Variants in SUZ12 observed in about 807,000 individuals in gnomAD.
SUZ12 encodes polycomb protein SUZ12.
In SUZ12, 17 loss-of-function variants were observed where a neutral mutation model predicts 87.3. That is an observed-to-expected ratio of 0.19 (90% CI 0.13 to 0.29). SUZ12 has a LOEUF of 0.29. Ranked by LOEUF, SUZ12 falls within the 10% of genes least tolerant of loss-of-function variation. SUZ12 has a pLI of 1.00. For synonymous variants in SUZ12, 253 were observed against 312.4 expected (o/e 0.81, Z 2.01); for missense variants, 526 against 912.2 (o/e 0.58, Z 5.45).
At position 31,988,376 on chromosome 17, in the gene SUZ12, T is replaced by C. The variant is rs762373307; in HGVS notation, c.1080T>C (p.Arg360=). The C allele has an allele frequency of 3.7e-6, 6 of 1,607,424 alleles. No individual in the cohort carries two copies. Among genetic ancestry groups the C allele is most frequent in the Admixed American group, 1.7e-5 (1 of 58,590 alleles). Residue 360 remains arginine (R), a synonymous_variant, in exon 10 of 16, where the codon CGT becomes CGC. Coordinates refer to ENST00000322652, the MANE Select transcript of SUZ12 (RefSeq NM_015355.4). ...SQGPTLQFTL[R]WTGETNDKST... ...GACCTACGTTGCAGTTCACTCTTCGTTGGACAGGAGAGACCAATGATAAAT... is the reference window on the plus strand; with the variant it reads ...GACCTACGTTGCAGTTCACTCTTCGCTGGACAGGAGAGACCAATGATAAAT...
At chr17:31,985,639 TGTTG>T (rs1475031399) in intron 9 of SUZ12, among the ~76,000 whole-genome samples, 2 of 148,530 alleles carry the variant, frequency 1.3e-5, no homozygotes, top group Non-Finnish European at 3.0e-5. Flanking sequence ...TTTTTGTTGT[TGTTG>T]GTTTTGTTTT....
chr17:31,971,510 C>T (rs1422537245), intron 5 of SUZ12, among the ~76,000 whole-genome samples: 1 of 149,604 alleles, frequency 6.7e-6, no homozygotes, highest in Admixed American at 6.8e-5. Flanking sequence ...TTACTGCAAC[C>T]TCTGCTCCCC....
intron 8 of SUZ12, among the ~76,000 whole-genome samples, chr17:31,982,574 G>C (rs529839087): frequency 6.6e-6 from 1 of 152,138 alleles, no homozygotes; most frequent in Non-Finnish European, 1.5e-5. Context: ...CAGGAGAATC[G>C]CTTGAACCTG....
At chr17:31,988,574 G>A (rs1909534508) in intron 10 of SUZ12, 77 bp downstream of exon 10, 3 of 1,347,264 alleles carry the variant, frequency 2.2e-6, no homozygotes, top group South Asian at 1.6e-5. Context: ...TAATTCATTT[G>A]TGTTTTGCTT....
At chr17:31,947,147 G>A (rs1906685538) in intron 3 of SUZ12, among the ~76,000 whole-genome samples, 1 of 152,094 alleles carries the variant, frequency 6.6e-6, no homozygotes, top group Non-Finnish European at 1.5e-5. Flanking sequence ...ATTTATATTT[G>A]TTTGGCTTAA....
intron 9 of SUZ12, among the ~76,000 whole-genome samples, chr17:31,988,044 C>T (rs1454185289): frequency 1.3e-5 from 2 of 152,104 alleles, no homozygotes; most frequent in East Asian, 3.9e-4. Context: ...GAAAATCTGT[C>T]TGTGTTGGAC....
At chr17:31,988,246 T>G (rs1468458531) in intron 9 of SUZ12, 74 bp from the exon 10 acceptor site, 1 of 1,375,802 alleles carries the variant, frequency 7.3e-7, no homozygotes, top group Non-Finnish European at 9.8e-7. Context: ...TTATAATGAA[T>G]TTTTTTTAAT....
intron 14 of SUZ12, among the ~76,000 whole-genome samples, chr17:31,996,474 C>T (rs1034829559): frequency 8.5e-5 from 13 of 152,174 alleles, no homozygotes; most frequent in Admixed American, 3.3e-4. Context: ...CAAGAGTTAG[C>T]TGGGCATGGT....
chr17:31,970,866 G>A (rs1201550516), intron 5 of SUZ12, among the ~76,000 whole-genome samples: 3 of 151,680 alleles, frequency 2.0e-5, no homozygotes, highest in Non-Finnish European at 4.4e-5. Flanking sequence ...TTTTTTTTGT[G>A]TGTTCATGGA....
chr17:31,950,522 A>G (rs1386207332), intron 4 of SUZ12, among the ~76,000 whole-genome samples: 2 of 151,956 alleles, frequency 1.3e-5, no homozygotes, highest in Non-Finnish European at 2.9e-5. Context: ...TTTCTCTACA[A>G]AAAACACAAA....
At chr17:31,953,427 A>C (rs898104082) in intron 4 of SUZ12, among the ~76,000 whole-genome samples, 2 of 151,912 alleles carry the variant, frequency 1.3e-5, no homozygotes, top group African/African-American at 4.8e-5. Context: ...TTATTTTTTG[A>C]GACAAGGTCT....
intron 9 of SUZ12, among the ~76,000 whole-genome samples, chr17:31,986,670 G>GCC (rs1290992052): frequency 1.3e-5 from 2 of 152,122 alleles, no homozygotes; most frequent in African/African-American, 4.8e-5. Flanking sequence ...TCCTGCCTCA[G>GCC]CCTCCCAAGT....
chr17:31,984,359 C>A (rs1391574166), intron 9 of SUZ12, among the ~76,000 whole-genome samples: 4 of 152,042 alleles, frequency 2.6e-5, no homozygotes, highest in African/African-American at 4.8e-5. Context: ...TAATCTTAGA[C>A]CTAATACATT....
chr17:31,973,940 T>C (rs2030802380), intron 6 of SUZ12, among the ~76,000 whole-genome samples: 1 of 152,060 alleles, frequency 6.6e-6, no homozygotes, highest in African/African-American at 2.4e-5. Flanking sequence ...AAAGTTTATG[T>C]AAAGGCCGGT....
At chr17:31,990,174 C>T (rs1415025604) in intron 10 of SUZ12, among the ~76,000 whole-genome samples, 1 of 141,462 alleles carries the variant, frequency 7.1e-6, no homozygotes, top group Non-Finnish European at 1.5e-5. Flanking sequence ...GGGGTTTCAC[C>T]GTGTTAGCCA....
chr17:31,979,593 C>T (rs1908976976), intron 8 of SUZ12, among the ~76,000 whole-genome samples: 2 of 152,118 alleles, frequency 1.3e-5, no homozygotes, highest in South Asian at 4.1e-4. Flanking sequence ...GTGGTGATTT[C>T]CTCTTGATTA....
intron 4 of SUZ12, among the ~76,000 whole-genome samples, chr17:31,959,983 C>T (rs746780863): frequency 4.7e-4 from 72 of 152,286 alleles, no homozygotes; most frequent in Admixed American, 2.3e-3. Context: ...ATATCTTATT[C>T]TGGTCATGTA....
intron 4 of SUZ12, among the ~76,000 whole-genome samples, chr17:31,959,830 A>T (rs1417025224): frequency 6.6e-6 from 1 of 152,226 alleles, no homozygotes; most frequent in Non-Finnish European, 1.5e-5. Flanking sequence ...TGTAGACTGT[A>T]TCAGAACTGT....
rs1037036219 is a variant in SUZ12 at position 32,000,409 on chromosome 17, C to T, written c.*1406C>T. Reference sequence around the variant, plus strand: ...TGTGTTTAACTGTGAGGCTATTTAACGAATAGTGTGGATGTGATTTGTCAT... The same window carrying T: ...TGTGTTTAACTGTGAGGCTATTTAATGAATAGTGTGGATGTGATTTGTCAT... On this transcript the variant is annotated 3_prime_UTR_variant, in exon 16 of 16. Transcript: ENST00000322652. 1.3e-5 allele frequency: 3 copies of T among 232,254 alleles called. No homozygotes were observed. The highest frequency in any genetic ancestry group is 5.6e-5 in the Admixed American group (1 of 17,740). 14.4% of individuals were successfully genotyped at this position (232,254 alleles called of 1,614,324 possible).
Sources: gnomAD v4.1 joint callset for allele counts (sites outside exome capture counted in the v4.1 genomes callset) on GRCh38, gnomAD v4.1.1 for gene constraint, MANE v1.5 for transcripts, NCBI Gene and HGNC (gene_info 2026-07-23, HGNC 2026-07-21) for gene names.